Variants in ZNF138 observed in about 807,000 individuals in gnomAD.
The protein encoded by ZNF138 is zinc finger protein 138, also known as zinc finger protein 138 (clone pHZ-32).
ZNF138 carries 33 observed loss-of-function variants against 33.0 expected under a neutral mutation model. That is an observed-to-expected ratio of 1.00 (90% confidence interval 0.76 to 1.34). The LOEUF is 1.34. Among genes scored for constraint, ZNF138 ranks in the 40% most tolerant of loss-of-function variants. The pLI is 0.00. For missense variants in ZNF138, 360 were observed against 370.8 expected, an observed-to-expected ratio of 0.97 and a Z score of 0.24; for synonymous variants, 139 against 120.4, an observed-to-expected ratio of 1.15 and a Z score of -1.01.
intron 1 of ZNF138, among the ~76,000 whole-genome samples, chr7:64,804,723 G>C (rs912598084): frequency 5.3e-5 from 8 of 152,208 alleles, no homozygotes; most frequent in Non-Finnish European, 8.8e-5. Context: ...AGAGGCTTTA[G>C]TGAGCTGAGA....
At position 64,833,125 on chromosome 7, in the gene ZNF138, ACTT is replaced by A; in HGVS notation, c.*927_*929del. On this transcript the variant is annotated 3_prime_UTR_variant, in exon 4 of 4. Transcript: ENST00000307355. ...TGTGGTAAAACTTACAATCCTCAAA[ACTT>A]CTTACACCTAAAATTCATGCAGGAG... The A allele has an allele frequency of 3.9e-6, 1 of 255,468 alleles. No homozygotes were observed. Among genetic ancestry groups the A allele is most frequent in the Non-Finnish European group, 7.9e-6 (1 of 126,124 alleles). 15.8% of individuals were successfully genotyped at this position (255,468 alleles called of 1,614,324 possible).
chr7:64,812,875 A>G (rs1341561472), intron 1 of ZNF138, among the ~76,000 whole-genome samples: 1 of 147,834 alleles, frequency 6.8e-6, no homozygotes, highest in Non-Finnish European at 1.5e-5. Flanking sequence ...TTTTAGCTTA[A>G]CATGTCTCAA....
intron 1 of ZNF138, among the ~76,000 whole-genome samples, chr7:64,796,553 A>G (rs1399393565): frequency 6.6e-6 from 1 of 152,206 alleles, no homozygotes; most frequent in East Asian, 1.9e-4. Flanking sequence ...GTTTTGGAAA[A>G]AAATATCTAA....
At chr7:64,825,450 C>T (rs1402616633) in intron 3 of ZNF138, among the ~76,000 whole-genome samples, 1 of 151,660 alleles carries the variant, frequency 6.6e-6, no homozygotes, top group East Asian at 1.9e-4. Flanking sequence ...GGATTACAGG[C>T]CTGAGCCACC....
downstream of ZNF138, chr7:64,835,560 A>G (rs567580311): frequency 6.6e-6 from 1 of 150,938 alleles, no homozygotes; most frequent in Non-Finnish European, 1.5e-5. Flanking sequence ...CTCCTCTTGG[A>G]TCTTTTTTTT....
chr7:64,806,447 A>T (rs1787603041), intron 1 of ZNF138, among the ~76,000 whole-genome samples: 1 of 152,158 alleles, frequency 6.6e-6, no homozygotes, highest in African/African-American at 2.4e-5. Context: ...CAGGCATGAG[A>T]ATCTCCCCTT....
the ZNF138 span, among the ~76,000 whole-genome samples, chr7:64,857,713 G>A: frequency 3.4e-5 from 5 of 148,216 alleles, no homozygotes; most frequent in African/African-American, 1.3e-4. Flanking sequence ...ATTTAGAGAA[G>A]AATTAAAAAA....
intron 1 of ZNF138, among the ~76,000 whole-genome samples, chr7:64,805,617 G>A (rs1336944552): frequency 6.6e-6 from 1 of 152,168 alleles, no homozygotes; most frequent in African/African-American, 2.4e-5. Flanking sequence ...AAGGGAAGAT[G>A]GTAAAAGTCA....
At chr7:64,805,939 A>G (rs1344910390) in intron 1 of ZNF138, among the ~76,000 whole-genome samples, 3 of 152,238 alleles carry the variant, frequency 2.0e-5, no homozygotes, top group Non-Finnish European at 2.9e-5. Context: ...CTTGTGGATT[A>G]ATTATGGTGA....
In ZNF138 at chr7:64,831,851, C is replaced by T. The variant is rs751677795; in HGVS notation, c.609C>T (p.Thr203=). 19 of 1,613,728 alleles carry T rather than the reference C, an allele frequency of 1.2e-5. No individual in the cohort carries two copies. Among genetic ancestry groups the T allele is most frequent in the Non-Finnish European group, 1.5e-5 (18 of 1,179,914 alleles). The change falls in exon 4 of 4, where the codon ACC becomes ACT. Residue 203 remains threonine (T), a synonymous_variant. Transcript: ENST00000307355. ...NFYKCEECGK[T]FNWSTNLSKP... is the part of the protein sequence containing the mutation. ...ACAAATGTGAAGAGTGTGGAAAAAC[C>T]TTTAACTGGTCCACAAACCTTTCTA...
At chr7:64,805,411 C>CAAAACCA (rs71061310) in intron 1 of ZNF138, among the ~76,000 whole-genome samples, 1 of 126,998 alleles carries the variant, frequency 7.9e-6, no homozygotes. Context: ...AAAAACAAAA[C>CAAAACCA]AAAAAAAAAA....
chr7:64,853,507 G>A, the ZNF138 span, among the ~76,000 whole-genome samples: 1 of 146,710 alleles, frequency 6.8e-6, no homozygotes, highest in African/African-American at 2.5e-5. Context: ...TTCTATGTCA[G>A]GATTATTCCA....
At chr7:64,834,298 T>TA (rs551299032), downstream of ZNF138, among the ~76,000 whole-genome samples, 44 of 151,740 alleles carry the variant, frequency 2.9e-4, 1 homozygote, top group African/African-American at 7.7e-4. Flanking sequence ...GCAGTAAATA[T>TA]AAAAAAAATC....
chr7:64,849,433 G>A, the ZNF138 span, among the ~76,000 whole-genome samples: 1 of 152,138 alleles, frequency 6.6e-6, no homozygotes, highest in Non-Finnish European at 1.5e-5. Flanking sequence ...GCCAGGAGGT[G>A]GCGCTTTAAA....
the ZNF138 span, chr7:64,852,752 A>G: frequency 5.9e-5 from 55 of 935,022 alleles, no homozygotes; most frequent in Non-Finnish European, 9.5e-5. Context: ...CTGTGTCCCC[A>G]GGGGTTTTGT....
In ZNF138 at chr7:64,831,783, C is replaced by T. The variant is rs193182393; in HGVS notation, c.541C>T (p.Arg181Cys). ...ECDKSLCMLS[R>C]LTQHKKIHTR... ...TGACAAATCACTTTGCATGCTTTCA[C>T]GCCTAACTCAACATAAAAAAATTCA... is the stretch of plus-strand genomic sequence containing the variant. Residue 181 changes from arginine (R) to cysteine (C), a missense_variant, in exon 4 of 4, where the codon CGC becomes TGC. Arg to Cys is a radical substitution (Grantham distance 180). Transcript: ENST00000307355. 67 of 1,613,544 alleles carry T rather than the reference C, an allele frequency of 4.2e-5. No homozygotes were observed. In the African/African-American group the frequency reaches 4.7e-4, roughly 11 times the overall value.
rs543145176 is a variant in ZNF138, at chr7:64,808,866, A to T, written c.4-6052A>T. 3.9e-3 allele frequency among the ~76,000 whole-genome samples: 537 copies of T among 137,740 alleles called. 9 individuals carry two copies. Among genetic ancestry groups the T allele is most frequent in the African/African-American group, 0.013 (505 of 39,482 alleles). 90.4% of individuals were successfully genotyped at this position (137,740 alleles called of 152,430 possible). A position where few individuals can be genotyped will look rare whatever the true frequency, so the allele number is the denominator to read the frequency against. On this transcript the variant is annotated intron_variant, in intron 1 of 3. Transcript: ENST00000307355. ...CCTTAATCCATTTAACCCTGAGTGG[A>T]CACAGCACATGTTTCAGAGAGCACA...
chr7:64,839,037 T>A, the ZNF138 span, among the ~76,000 whole-genome samples: 1 of 152,124 alleles, frequency 6.6e-6, no homozygotes, highest in Admixed American at 6.5e-5. Flanking sequence ...GAGGGACTTG[T>A]GCCAGCGAAA....
At chr7:64,819,395 T>TCTTG (rs1788931083) in intron 3 of ZNF138, among the ~76,000 whole-genome samples, 1 of 151,518 alleles carries the variant, frequency 6.6e-6, no homozygotes, top group Non-Finnish European at 1.5e-5. Flanking sequence ...GGAGATTGAG[T>TCTTG]CTTGCTCTTT....
Sources: gnomAD v4.1 joint callset for allele counts (sites outside exome capture counted in the v4.1 genomes callset) on GRCh38, gnomAD v4.1.1 for gene constraint, MANE v1.5 for transcripts, NCBI Gene and HGNC (gene_info 2026-07-23, HGNC 2026-07-21) for gene names.